Variants in CWF19L2 observed in about 807,000 individuals in gnomAD.
CWF19L2 encodes CWF19-like protein 2.
A neutral mutation model predicts 111.7 loss-of-function variants in CWF19L2; 98 were observed. The observed-to-expected ratio is 0.88, with a 90% CI of 0.75 to 1.04. The LOEUF (loss-of-function observed/expected upper bound fraction) is 1.04, where lower values mean the gene tolerates loss of function less well. Ranked by LOEUF, CWF19L2 falls within the 50% of genes least tolerant of loss-of-function variation. CWF19L2 has a pLI of 0.00. For missense variants in CWF19L2, 1,101 were observed against 1,051.4 expected, an observed-to-expected ratio of 1.05 and a Z score of -0.65; for synonymous variants, 351 against 342.9, an observed-to-expected ratio of 1.02 and a Z score of -0.26.
intron 8 of CWF19L2, among the ~76,000 whole-genome samples, chr11:107,422,882 T>C (rs937242910): frequency 3.3e-5 from 5 of 152,020 alleles, no homozygotes; most frequent in Admixed American, 1.3e-4. Flanking sequence ...AGAAAATGTA[T>C]AGTAGCCATT....
At chr11:107,449,135 T>C (rs1861743128) in intron 3 of CWF19L2, among the ~76,000 whole-genome samples, 1 of 125,236 alleles carries the variant, frequency 8.0e-6, no homozygotes, top group Admixed American at 8.1e-5. Flanking sequence ...CATTTTACAG[T>C]GCAAAAAAAA....
chr11:107,417,546 AAT>A (rs1190239622), intron 9 of CWF19L2, among the ~76,000 whole-genome samples: 5 of 152,196 alleles, frequency 3.3e-5, no homozygotes, highest in Non-Finnish European at 5.9e-5. Flanking sequence ...CATTCTTACA[AAT>A]ATATGACAAA....
chr11:107,362,149 C>A (rs916953423), intron 12 of CWF19L2, among the ~76,000 whole-genome samples: 5 of 152,160 alleles, frequency 3.3e-5, no homozygotes, highest in Non-Finnish European at 5.9e-5. Flanking sequence ...GAGATTATAT[C>A]CCGCACCTGG....
intron 9 of CWF19L2, 65 bp downstream of exon 9, chr11:107,418,129 A>C: frequency 3.9e-6 from 4 of 1,015,330 alleles, no homozygotes; most frequent in Non-Finnish European, 6.3e-6. Flanking sequence ...AGGAACTTCT[A>C]AAATTACTCA....
At chr11:107,389,995 T>A in intron 12 of CWF19L2, 79 bp downstream of exon 12, 1 of 1,206,912 alleles carries the variant, frequency 8.3e-7, no homozygotes, top group East Asian at 2.4e-5. Flanking sequence ...GAGAACCAGA[T>A]CTCTCCAAAA....
At chr11:107,435,963 G>T (rs1487496564) in intron 6 of CWF19L2, among the ~76,000 whole-genome samples, 2 of 152,144 alleles carry the variant, frequency 1.3e-5, no homozygotes, top group East Asian at 3.9e-4. Flanking sequence ...AGACCAGCCT[G>T]GCCAACATGG....
intron 9 of CWF19L2, among the ~76,000 whole-genome samples, chr11:107,417,021 G>A (rs897970345): frequency 1.2e-4 from 18 of 152,172 alleles, no homozygotes; most frequent in African/African-American, 4.3e-4. Context: ...GTGTTTCCAA[G>A]GATCAGATTC....
chr11:107,382,453 CAGCTGTA>C (rs1860700899), intron 12 of CWF19L2, among the ~76,000 whole-genome samples: 1 of 152,188 alleles, frequency 6.6e-6, no homozygotes, highest in Non-Finnish European at 1.5e-5. Flanking sequence ...TCAGTTCCCT[CAGCTGTA>C]AGATGTGAAA....
chr11:107,433,038 C>G (rs1210373593), intron 7 of CWF19L2, among the ~76,000 whole-genome samples: 1 of 152,106 alleles, frequency 6.6e-6, no homozygotes, highest in African/African-American at 2.4e-5. Flanking sequence ...AAAGCCAGGG[C>G]ATATTCTACG....
intron 15 of CWF19L2, 73 bp downstream of exon 15, chr11:107,336,485 T>C: frequency 8.2e-7 from 1 of 1,219,072 alleles, no homozygotes; most frequent in Non-Finnish European, 1.2e-6. Context: ...AATATGTTAA[T>C]AAAGACAACA....
At chr11:107,422,568 G>A (rs1565277577) in intron 8 of CWF19L2, among the ~76,000 whole-genome samples, 1 of 151,948 alleles carries the variant, frequency 6.6e-6, no homozygotes, top group Non-Finnish European at 1.5e-5. Flanking sequence ...TTTATTATAT[G>A]TCAATTATAC....
chr11:107,415,735 A>AT (rs113820771), intron 10 of CWF19L2, among the ~76,000 whole-genome samples: 6 of 152,208 alleles, frequency 3.9e-5, no homozygotes, highest in African/African-American at 1.2e-4. Flanking sequence ...AGAAAACTAA[A>AT]TTTTTTAAAA....
At chr11:107,386,046 A>G (rs1466408839) in intron 12 of CWF19L2, among the ~76,000 whole-genome samples, 1 of 152,148 alleles carries the variant, frequency 6.6e-6, no homozygotes, top group Admixed American at 6.5e-5. Flanking sequence ...GTATGTATGA[A>G]TAGGAAAAAA....
chr11:107,432,391 T>C (rs1308498911), intron 7 of CWF19L2, among the ~76,000 whole-genome samples: 5 of 152,014 alleles, frequency 3.3e-5, no homozygotes, highest in Non-Finnish European at 4.4e-5. Flanking sequence ...GCCTGACCAA[T>C]ATGGTGAAAC....
intron 3 of CWF19L2, among the ~76,000 whole-genome samples, chr11:107,445,117 T>C (rs533078447): frequency 1.3e-5 from 2 of 152,264 alleles, no homozygotes; most frequent in African/African-American, 4.8e-5. Context: ...AAATGAAAAA[T>C]GGCAAGAAAA....
chr11:107,402,873 G>GTATATATATATATATATATATA (rs145828149), intron 10 of CWF19L2, among the ~76,000 whole-genome samples: 36 of 94,424 alleles, frequency 3.8e-4, no homozygotes, highest in African/African-American at 1.1e-3. Flanking sequence ...ACTGTGGTGT[G>GTATATATATATATATATATATA]TATATATATA....
At chr11:107,443,569 A>G (rs1591208737) in intron 3 of CWF19L2, among the ~76,000 whole-genome samples, 2 of 152,160 alleles carry the variant, frequency 1.3e-5, no homozygotes, top group African/African-American at 2.4e-5. Context: ...TTATTTTCTC[A>G]TCCATTTATT....
intron 10 of CWF19L2, among the ~76,000 whole-genome samples, chr11:107,408,460 T>C (rs1401710725): frequency 1.3e-5 from 2 of 152,100 alleles, no homozygotes; most frequent in Non-Finnish European, 2.9e-5. Context: ...ATTGTCACCA[T>C]TTCACGATGA....
At chr11:107,392,043 A>G (rs1358111500) in intron 11 of CWF19L2, among the ~76,000 whole-genome samples, 1 of 151,936 alleles carries the variant, frequency 6.6e-6, no homozygotes, top group Non-Finnish European at 1.5e-5. Context: ...CTCCTCCTGC[A>G]CCTCCTCTCC....
Sources: allele counts gnomAD v4.1 joint callset (sites outside exome capture counted in the v4.1 genomes callset), GRCh38; gene constraint gnomAD v4.1.1; transcripts MANE v1.5; gene names NCBI Gene and HGNC (gene_info 2026-07-23, HGNC 2026-07-21).